NOS1AP: variants seen among roughly 807,000 people sequenced by gnomAD.
NOS1AP encodes nitric oxide synthase 1 adaptor protein.
A neutral mutation model predicts 56.2 loss-of-function variants in NOS1AP; 21 were observed. The ratio of observed to expected loss-of-function variants is 0.37; its 90% CI spans 0.26 to 0.54. The LOEUF (loss-of-function observed/expected upper bound fraction) is 0.54, where lower values mean the gene tolerates loss of function less well. Ranked by LOEUF, NOS1AP falls within the 20% of genes least tolerant of loss-of-function variation. The pLI is 0.84. For missense variants in NOS1AP, 522 were observed against 657.8 expected (o/e 0.79, Z 2.26); for synonymous variants, 270 against 274.6 (o/e 0.98, Z 0.17).
At chr1:162,258,506 T>C (rs1229102004) in intron 2 of NOS1AP, among the ~76,000 whole-genome samples, 1 of 152,164 alleles carries the variant, frequency 6.6e-6, no homozygotes, top group Non-Finnish European at 1.5e-5. Flanking sequence ...TCTCCTCTCT[T>C]GGTTTCTCGC....
intron 1 of NOS1AP, among the ~76,000 whole-genome samples, chr1:162,134,226 C>T (rs1449955040): frequency 2.6e-5 from 4 of 152,062 alleles, no homozygotes; most frequent in African/African-American, 9.7e-5. Context: ...CGCAGTGGCT[C>T]ACACCTGTAA....
chr1:162,152,924 G>A (rs1300005625), intron 1 of NOS1AP, among the ~76,000 whole-genome samples: 4 of 151,952 alleles, frequency 2.6e-5, no homozygotes, highest in African/African-American at 9.7e-5. Flanking sequence ...AAGTTAGTCT[G>A]GGCTCTTAAT....
Position 162,332,789 on chromosome 1 carries a change from C to T in NOS1AP, c.345-228C>T, listed in dbSNP as rs116374043. ...TTAACAATAGTGTCGGTTCCATGTC[C>T]TACCCCTGCCCCCTCTACCAAATCT... On this transcript the variant is annotated intron_variant, in intron 4 of 9. Transcript: ENST00000361897. Among the ~76,000 whole-genome samples, 2,083 of 152,294 alleles carry T rather than the reference C, an allele frequency of 0.014. 25 individuals carry two copies. The highest frequency in any genetic ancestry group is 0.02 in the Non-Finnish European group (1,354 of 68,022).
chr1:162,189,516 C>T (rs542972161), intron 2 of NOS1AP, among the ~76,000 whole-genome samples: 3 of 152,266 alleles, frequency 2.0e-5, no homozygotes, highest in African/African-American at 7.2e-5. Context: ...AACAAATATT[C>T]ATTTAATAGA....
chr1:162,074,173 G>A (rs1315701148), intron 1 of NOS1AP, among the ~76,000 whole-genome samples: 1 of 152,186 alleles, frequency 6.6e-6, no homozygotes, highest in Non-Finnish European at 1.5e-5. Flanking sequence ...AAAAAATGGA[G>A]ATCAGAGAGA....
At chr1:162,298,983 A>G (rs1178970477) in intron 3 of NOS1AP, among the ~76,000 whole-genome samples, 1 of 152,254 alleles carries the variant, frequency 6.6e-6, no homozygotes, top group Non-Finnish European at 1.5e-5. Context: ...GGTCACGGCT[A>G]TAGATGTGAC....
intron 2 of NOS1AP, among the ~76,000 whole-genome samples, chr1:162,177,286 C>T (rs1462889152): frequency 6.6e-6 from 1 of 152,174 alleles, no homozygotes; most frequent in Non-Finnish European, 1.5e-5. Flanking sequence ...AACCCTGATT[C>T]CTGAAAGCAG....
chr1:162,074,983 C>CTTG (rs1691737941), intron 1 of NOS1AP, among the ~76,000 whole-genome samples: 2 of 152,194 alleles, frequency 1.3e-5, no homozygotes, highest in Non-Finnish European at 2.9e-5. Flanking sequence ...ACTTCTGCCA[C>CTTG]ATCCTGTTGG....
At chr1:162,320,651 C>T (rs1201274363) in intron 4 of NOS1AP, among the ~76,000 whole-genome samples, 1 of 152,108 alleles carries the variant, frequency 6.6e-6, no homozygotes, top group East Asian at 1.9e-4. Flanking sequence ...GTCAAGAGAT[C>T]GAGACCATCC....
At chr1:162,321,731 A>T (rs9787268) in intron 4 of NOS1AP, among the ~76,000 whole-genome samples, 66,224 of 128,142 alleles carry the variant, frequency 0.52, 16,428 homozygotes, top group East Asian at 0.74. Flanking sequence ...AAAAAAAAAA[A>T]ATATATATAT....
At chr1:162,138,601 G>C (rs1649102787) in intron 1 of NOS1AP, among the ~76,000 whole-genome samples, 1 of 152,200 alleles carries the variant, frequency 6.6e-6, no homozygotes, top group Non-Finnish European at 1.5e-5. Flanking sequence ...GCTGGAGCCA[G>C]AGGCCTGGGC....
chr1:162,268,562 A>G (rs1654493927), intron 2 of NOS1AP, among the ~76,000 whole-genome samples: 1 of 152,172 alleles, frequency 6.6e-6, no homozygotes, highest in Admixed American at 6.5e-5. Flanking sequence ...GGGCAGCCCA[A>G]AATCCCAGGA....
chr1:162,301,815 A>G (rs1184877428), intron 4 of NOS1AP, among the ~76,000 whole-genome samples: 1 of 152,184 alleles, frequency 6.6e-6, no homozygotes, highest in East Asian at 1.9e-4. Flanking sequence ...AATTATTGCC[A>G]TGCTTTTGTT....
chr1:162,287,779 G>C (rs961373418), intron 3 of NOS1AP, among the ~76,000 whole-genome samples: 7 of 152,126 alleles, frequency 4.6e-5, no homozygotes, highest in African/African-American at 1.7e-4. Flanking sequence ...AGAATAGCAG[G>C]GTTCAGTGGG....
In NOS1AP at chr1:162,324,230, T is replaced by C. The variant is rs114116074; in HGVS notation, c.345-8787T>C. 4.7e-3 allele frequency among the ~76,000 whole-genome samples: 719 copies of C among 152,226 alleles called. 7 individuals carry two copies. The highest frequency in any genetic ancestry group is 0.016 in the African/African-American group (644 of 41,544). On this transcript the variant is annotated intron_variant, in intron 4 of 9. Transcript: ENST00000361897. ...GCCCCCCAAATGTGAACAAGCTACA[T>C]GTATGAACTCAGATAACACAGACAC...
chr1:162,145,269 G>A (rs1209346863), intron 1 of NOS1AP, among the ~76,000 whole-genome samples: 2 of 121,020 alleles, frequency 1.7e-5, no homozygotes, highest in Admixed American at 8.9e-5. Flanking sequence ...TGGGTGGGGG[G>A]GTTGGCACTG....
intron 2 of NOS1AP, among the ~76,000 whole-genome samples, chr1:162,247,096 G>T (rs979068488): frequency 2.6e-5 from 4 of 152,066 alleles, no homozygotes; most frequent in Non-Finnish European, 5.9e-5. Context: ...GTTTCTGATG[G>T]TTATTAATAG....
At chr1:162,262,873 T>C (rs1006676108) in intron 2 of NOS1AP, among the ~76,000 whole-genome samples, 1 of 152,232 alleles carries the variant, frequency 6.6e-6, no homozygotes, top group Non-Finnish European at 1.5e-5. Flanking sequence ...AAGTATATTC[T>C]CTTTATGATT....
chr1:162,117,853 G>A (rs1283300107), intron 1 of NOS1AP, among the ~76,000 whole-genome samples: 1 of 152,182 alleles, frequency 6.6e-6, no homozygotes, highest in African/African-American at 2.4e-5. Context: ...TATGTGTTGG[G>A]ACACATGGGG....
Sources: allele counts gnomAD v4.1 joint callset (sites outside exome capture counted in the v4.1 genomes callset), GRCh38; gene constraint gnomAD v4.1.1; transcripts MANE v1.5; gene names NCBI Gene and HGNC (gene_info 2026-07-23, HGNC 2026-07-21).